Variants in PRDM10 observed in about 807,000 individuals in gnomAD.
The protein encoded by PRDM10 is PR domain zinc finger protein 10.
In PRDM10, 65 loss-of-function variants were observed where a neutral mutation model predicts 133.1. That is an observed-to-expected ratio of 0.49 (90% CI 0.40 to 0.60). The LOEUF (loss-of-function observed/expected upper bound fraction) is 0.60, where lower values mean the gene tolerates loss of function less well. Among genes scored for constraint, PRDM10 ranks in the 20% least tolerant of loss-of-function variants. PRDM10 has a pLI of 0.00. For missense variants in PRDM10, 1,137 were observed against 1,507.1 expected (o/e 0.75, Z 4.07); for synonymous variants, 582 against 580.4 (o/e 1.00, Z -0.04).
chr11:129,937,609 T>C lies in PRDM10; in HGVS notation c.1028A>G (p.Glu343Gly). The change falls in exon 8 of 21, where the codon GAA becomes GGA. Residue 343 changes from glutamate (E) to glycine (G), a missense_variant. Around this residue, in one of 6 missense-constraint regions of PRDM10, gnomAD observed 635 missense variants for 835.2 expected, o/e 0.76. Coordinates refer to ENST00000360871, the MANE Select transcript of PRDM10 (RefSeq NM_199437.2). ...VNQKIHDISE[E>G]ERKVLREQEK... ...AAACGTCTAACCACCTTTCCTTTCT[T>C]CCTCAGAAATGTCATGAATTTTCTG... The C allele has an allele frequency of 6.2e-7, 1 of 1,613,536 alleles. No individual in the cohort carries two copies. Among genetic ancestry groups the C allele is most frequent in the Non-Finnish European group, 8.5e-7 (1 of 1,179,878 alleles).
At chr11:129,977,679 G>T (rs1241861955) in intron 1 of PRDM10, among the ~76,000 whole-genome samples, 1 of 152,190 alleles carries the variant, frequency 6.6e-6, no homozygotes, top group Non-Finnish European at 1.5e-5. Context: ...GGGAGGCCAG[G>T]CACGGTAGCT....
chr11:129,904,843 A>G (rs1295518386), intron 20 of PRDM10, among the ~76,000 whole-genome samples: 1 of 152,228 alleles, frequency 6.6e-6, no homozygotes, highest in African/African-American at 2.4e-5. Flanking sequence ...CTGTCTTCTA[A>G]TAACTTAAGA....
chr11:129,931,667 C>T (rs1308072127), intron 10 of PRDM10, among the ~76,000 whole-genome samples: 1 of 151,644 alleles, frequency 6.6e-6, no homozygotes, highest in African/African-American at 2.4e-5. Flanking sequence ...TCCCGGTTCA[C>T]GCCATTCTCC....
chr11:129,910,733 G>A lies in PRDM10; in HGVS notation c.2983-77C>T, dbSNP rs185479498. 1,031 of 1,239,924 alleles carry A rather than the reference G, an allele frequency of 8.3e-4. 5 individuals are homozygous for A. The highest frequency in any genetic ancestry group is 6.9e-3 in the Middle Eastern group (33 of 4,772). The allele number at this position is 1,239,924 out of a possible 1,614,324, so 76.8% of individuals were successfully genotyped here. On this transcript the variant is annotated intron_variant, in intron 18 of 20. Coordinates refer to ENST00000360871, the MANE Select transcript of PRDM10 (RefSeq NM_199437.2). The stretch of plus-strand genomic sequence containing the variant: ...GAAGACTCACAAATAACTGAAGGAA[G>A]TACACCAGACTCATATGAATTATAA...
chr11:129,963,409 G>GAGAAGAGAAGAGAAT (rs1341210337), intron 1 of PRDM10, among the ~76,000 whole-genome samples: 1 of 145,562 alleles, frequency 6.9e-6, no homozygotes, highest in African/African-American at 2.7e-5. Flanking sequence ...GAGAAGAGAA[G>GAGAAGAGAAGAGAAT]AGAAGAGAAG....
At chr11:129,970,920 T>C (rs909273120) in intron 1 of PRDM10, among the ~76,000 whole-genome samples, 1 of 152,180 alleles carries the variant, frequency 6.6e-6, no homozygotes, top group African/African-American at 2.4e-5. Context: ...TTGCCAGTTG[T>C]TCACTTGTCA....
At chr11:129,962,260 C>T (rs767459494) in intron 1 of PRDM10, among the ~76,000 whole-genome samples, 4 of 152,192 alleles carry the variant, frequency 2.6e-5, no homozygotes, top group Admixed American at 6.5e-5. Context: ...TAAAAGTCCA[C>T]TTGACATTTG....
intron 1 of PRDM10, among the ~76,000 whole-genome samples, chr11:129,974,080 C>T (rs978240360): frequency 5.3e-5 from 8 of 152,236 alleles, no homozygotes; most frequent in Non-Finnish European, 8.8e-5. Flanking sequence ...GTACGAATTG[C>T]CCAGCCTCTC....
At chr11:129,930,337 C>T (rs563621149) in intron 11 of PRDM10, among the ~76,000 whole-genome samples, 8 of 152,322 alleles carry the variant, frequency 5.3e-5, no homozygotes, top group African/African-American at 1.7e-4. Flanking sequence ...GTTTTCCACA[C>T]GAATCCCCTG....
At chr11:129,956,213 A>T (rs900568658) in intron 3 of PRDM10, among the ~76,000 whole-genome samples, 5 of 152,238 alleles carry the variant, frequency 3.3e-5, no homozygotes, top group Non-Finnish European at 7.3e-5. Flanking sequence ...TACTGTAGCC[A>T]GGGCACCACA....
chr11:129,995,952 A>T (rs1255262052), intron 1 of PRDM10, among the ~76,000 whole-genome samples: 2 of 120,876 alleles, frequency 1.7e-5, no homozygotes, highest in Admixed American at 1.8e-4. Flanking sequence ...TCTCAAAAAC[A>T]AAAGAAAAGA....
intron 1 of PRDM10, among the ~76,000 whole-genome samples, chr11:129,970,707 G>C (rs1952001932): frequency 6.6e-6 from 1 of 151,912 alleles, no homozygotes; most frequent in Non-Finnish European, 1.5e-5. Context: ...ACCATGCCTG[G>C]GTAACTTTTT....
intron 1 of PRDM10, among the ~76,000 whole-genome samples, chr11:129,966,912 C>T (rs1047173655): frequency 5.9e-5 from 9 of 152,094 alleles, no homozygotes; most frequent in African/African-American, 1.7e-4. Context: ...ATGAAGAACT[C>T]CGAGTCCAAA....
chr11:129,975,169 G>A (rs775075856), intron 1 of PRDM10, among the ~76,000 whole-genome samples: 15 of 152,178 alleles, frequency 9.9e-5, no homozygotes, highest in Non-Finnish European at 1.9e-4. Context: ...GCTCACGCCT[G>A]TAATCCCAGC....
chr11:129,992,764 A>G (rs1224428808), intron 1 of PRDM10, among the ~76,000 whole-genome samples: 2 of 152,228 alleles, frequency 1.3e-5, no homozygotes, highest in Non-Finnish European at 2.9e-5. Flanking sequence ...TTAAATGCCT[A>G]TTCTGTTTCC....
At chr11:129,982,172 C>A (rs1591691042) in intron 1 of PRDM10, among the ~76,000 whole-genome samples, 3 of 151,258 alleles carry the variant, frequency 2.0e-5, no homozygotes. Context: ...GGTGGGAGGA[C>A]TGCTTGAGCC....
At chr11:129,986,428 G>A (rs555329193) in intron 1 of PRDM10, among the ~76,000 whole-genome samples, 11 of 151,984 alleles carry the variant, frequency 7.2e-5, no homozygotes, top group Admixed American at 1.3e-4. Context: ...TCACTCTGTC[G>A]CCCAGGCTGG....
intron 5 of PRDM10, among the ~76,000 whole-genome samples, chr11:129,946,296 A>AAAAGT (rs1217347979): frequency 1.3e-5 from 2 of 152,038 alleles, no homozygotes; most frequent in South Asian, 2.1e-4. Context: ...AAAAGAAAAG[A>AAAAGT]AAACGTATGA....
chr11:129,905,431 A>G (rs1450607538), intron 20 of PRDM10, among the ~76,000 whole-genome samples: 1 of 151,816 alleles, frequency 6.6e-6, no homozygotes, highest in Non-Finnish European at 1.5e-5. Context: ...AATTGAACAG[A>G]TATTTATTGA....
Sources: allele counts gnomAD v4.1 joint callset (sites outside exome capture counted in the v4.1 genomes callset), GRCh38; gene constraint gnomAD v4.1.1; regional missense constraint gnomAD v4.1.1; transcripts MANE v1.5; gene names NCBI Gene and HGNC (gene_info 2026-07-23, HGNC 2026-07-21).